Variants in TEC observed in about 807,000 individuals in gnomAD.
TEC encodes tec protein tyrosine kinase, also known as tyrosine-protein kinase Tec.
TEC carries 72 observed loss-of-function variants against 93.0 expected under a neutral mutation model. That is an observed-to-expected ratio of 0.77 (90% CI 0.64 to 0.94). TEC has a LOEUF of 0.94. Ranked by LOEUF, TEC falls within the 40% of genes least tolerant of loss-of-function variation. The pLI is 0.00. For synonymous variants in TEC, 249 were observed against 247.7 expected (o/e 1.01, Z -0.05); for missense variants, 630 against 757.9 (o/e 0.83, Z 1.98).
At chr4:48,155,439 G>A (rs1349385503) in intron 9 of TEC, among the ~76,000 whole-genome samples, 1 of 152,184 alleles carries the variant, frequency 6.6e-6, no homozygotes, top group Non-Finnish European at 1.5e-5. Context: ...GCACCTCCCA[G>A]TGACAACTAC....
At chr4:48,212,110 A>AAATATATAT in intron 2 of TEC, among the ~76,000 whole-genome samples, 1,926 of 121,994 alleles carry the variant, frequency 0.016, 29 homozygotes, top group Non-Finnish European at 0.024. Flanking sequence ...AAAAAAAAAA[A>AAATATATAT]ATATATATAT....
chr4:48,227,726 C>A (rs1283029425), intron 2 of TEC, among the ~76,000 whole-genome samples: 2 of 151,630 alleles, frequency 1.3e-5, no homozygotes, highest in African/African-American at 2.4e-5. Context: ...TAGCCATGGG[C>A]AACCCAGCCC....
chr4:48,207,402 A>C (rs1722749119), intron 2 of TEC, among the ~76,000 whole-genome samples: 1 of 152,148 alleles, frequency 6.6e-6, no homozygotes, highest in Non-Finnish European at 1.5e-5. Flanking sequence ...ATGTCCTTTT[A>C]GGCTCCTTGT....
rs1388203400 is a variant in TEC at position 48,137,073 on chromosome 4, G to C, written c.*343C>G. The C allele has an allele frequency of 1.8e-5, 4 of 220,602 alleles. No individual in the cohort carries two copies. The highest frequency in any genetic ancestry group is 3.6e-5 in the Non-Finnish European group (4 of 112,276). The allele number at this position is 220,602 out of a possible 1,614,324, so 13.7% of individuals were successfully genotyped here. ...ACCCTTCCCCTTCCCAAATACCCTG[G>C]CCTTCAACTGGCATCAGCTAACATG... On this transcript the variant is annotated 3_prime_UTR_variant, in exon 18 of 18. Coordinates refer to ENST00000381501, the MANE Select transcript of TEC (RefSeq NM_003215.3).
intron 2 of TEC, among the ~76,000 whole-genome samples, chr4:48,225,255 A>C (rs1183205992): frequency 6.6e-6 from 1 of 151,916 alleles, no homozygotes; most frequent in African/African-American, 2.4e-5. Context: ...GCTCACTGCA[A>C]CCTCTGCCTC....
At chr4:48,183,463 C>A (rs907546948) in intron 2 of TEC, among the ~76,000 whole-genome samples, 3 of 152,208 alleles carry the variant, frequency 2.0e-5, no homozygotes, top group African/African-American at 7.2e-5. Flanking sequence ...GAAGATCCAC[C>A]TCTGCCATCG....
chr4:48,214,829 G>A lies in TEC; in HGVS notation c.138+13648C>T, dbSNP rs548299105. ...AGATCACACCACTGCACTCCAACCC[G>A]GATGACAGAGCAAGACCCTGTCTCA... On this transcript the variant is annotated intron_variant, in intron 2 of 17. Coordinates refer to ENST00000381501, the MANE Select transcript of TEC (RefSeq NM_003215.3). 7.9e-5 allele frequency among the ~76,000 whole-genome samples: 12 copies of A among 152,106 alleles called. No homozygotes were observed. The South Asian group carries it at 1.5e-3, about 18-fold the overall frequency.
chr4:48,175,891 AG>A (rs1721305383), intron 3 of TEC, among the ~76,000 whole-genome samples, 190 bp downstream of exon 3: 1 of 152,192 alleles, frequency 6.6e-6, no homozygotes, highest in Non-Finnish European at 1.5e-5. Context: ...TTTCAGTCTT[AG>A]CCCCAACTCC....
chr4:48,268,080 C>T (rs2109684210), intron 1 of TEC, among the ~76,000 whole-genome samples: 1 of 152,344 alleles, frequency 6.6e-6, no homozygotes, highest in Admixed American at 6.5e-5. Flanking sequence ...GCAAAGGTTA[C>T]CATTATCTCA....
At chr4:48,261,788 T>C (rs924760956) in intron 1 of TEC, among the ~76,000 whole-genome samples, 8 of 152,142 alleles carry the variant, frequency 5.3e-5, no homozygotes, top group Admixed American at 2.0e-4. Context: ...AGCTTTAACC[T>C]TGAAAAACAA....
intron 14 of TEC, among the ~76,000 whole-genome samples, chr4:48,142,771 C>T (rs1719736255): frequency 1.3e-5 from 2 of 152,082 alleles, no homozygotes; most frequent in Admixed American, 1.3e-4. Context: ...ACCTCCACCT[C>T]CTGGGTTCAA....
chr4:48,187,359 C>G (rs768752164), intron 2 of TEC, among the ~76,000 whole-genome samples: 43 of 151,528 alleles, frequency 2.8e-4, no homozygotes, highest in Non-Finnish European at 5.2e-4. Flanking sequence ...ATCTGCTGAC[C>G]TTCCCTCCAC....
chr4:48,268,406 G>C (rs1724694885), intron 1 of TEC, among the ~76,000 whole-genome samples: 1 of 152,236 alleles, frequency 6.6e-6, no homozygotes, highest in African/African-American at 2.4e-5. Context: ...GTAAGCATCT[G>C]CGTTGGCAAG....
At chr4:48,184,802 CACACAT>C (rs1721735190) in intron 2 of TEC, among the ~76,000 whole-genome samples, 1 of 150,362 alleles carries the variant, frequency 6.7e-6, no homozygotes, top group Admixed American at 6.6e-5. Flanking sequence ...CACACACACA[CACACAT>C]TAAATATTAT....
Position 48,138,745 on chromosome 4 carries a change from C to T in TEC, c.1732G>A (p.Val578Ile). 3 of 1,614,194 alleles carry T rather than the reference C, an allele frequency of 1.9e-6. 1 individual carries two copies. Among genetic ancestry groups the T allele is most frequent in the Non-Finnish European group, 8.5e-7 (1 of 1,180,022 alleles). ...TGGTAGAGTCGGTGGCCTCGAGTAACCATGGTTACCACTTCATAATTGGTG... is the reference window on the plus strand; with the variant it reads ...TGGTAGAGTCGGTGGCCTCGAGTAATCATGGTTACCACTTCATAATTGGTG... ...KYTNYEVVTM[V>I]TRGHRLYQPK... The change falls in exon 17 of 18, where the codon GTT (valine) becomes ATT (isoleucine). Residue 578 changes from valine (V) to isoleucine (I), a missense_variant. Val to Ile is a conservative substitution (Grantham distance 29). This residue lies in a region of TEC where 289 missense variants were observed against 390.0 expected (regional missense o/e 0.74). Coordinates refer to ENST00000381501, the MANE Select transcript of TEC (RefSeq NM_003215.3).
chr4:48,165,670 C>T (rs1422507040), intron 7 of TEC, among the ~76,000 whole-genome samples: 1 of 152,164 alleles, frequency 6.6e-6, no homozygotes, highest in African/African-American at 2.4e-5. Flanking sequence ...GAAACACAGG[C>T]ATATTAAGTG....
intron 2 of TEC, among the ~76,000 whole-genome samples, chr4:48,180,618 C>A (rs562912937): frequency 6.6e-6 from 1 of 152,238 alleles, no homozygotes; most frequent in East Asian, 1.9e-4. Context: ...GAGTTTCAGG[C>A]TGCAAAACAA....
At chr4:48,140,040 G>A (rs867879788) in intron 15 of TEC, among the ~76,000 whole-genome samples, 6 of 152,306 alleles carry the variant, frequency 3.9e-5, no homozygotes, top group Middle Eastern at 3.4e-3. Context: ...AGATGAAAGC[G>A]GCAGACAGCC....
chr4:48,213,183 G>A (rs1403404915), intron 2 of TEC, among the ~76,000 whole-genome samples: 1 of 152,144 alleles, frequency 6.6e-6, no homozygotes, highest in African/African-American at 2.4e-5. Context: ...ATCTAACTAG[G>A]TAATGGGGAA....
Sources: gnomAD v4.1 joint callset for allele counts (sites outside exome capture counted in the v4.1 genomes callset) on GRCh38, gnomAD v4.1.1 for gene constraint, gnomAD v4.1.1 regional missense constraint, MANE v1.5 for transcripts, NCBI Gene and HGNC (gene_info 2026-07-23, HGNC 2026-07-21) for gene names.